The following PCDHA9 variants were observed in gnomAD, a reference collection of about 807,000 sequenced individuals.
PCDHA9 encodes the protein protocadherin alpha-9.
A neutral mutation model predicts 62.0 loss-of-function variants in PCDHA9; 62 were observed. The ratio of observed to expected loss-of-function variants is 1.00; its 90% CI spans 0.81 to 1.23. PCDHA9 has a LOEUF of 1.23. PCDHA9 is among the 50% of genes most tolerant of loss of function. The probability of loss-of-function intolerance (pLI) is 0.00; values close to 1 mark genes in which losing one functional copy is unlikely to be tolerated. For missense variants in PCDHA9, 1,205 were observed against 1,249.8 expected, an observed-to-expected ratio of 0.96 and a Z score of 0.54; for synonymous variants, 557 against 567.6, an observed-to-expected ratio of 0.98 and a Z score of 0.27.
intron 1 of PCDHA9, among the ~76,000 whole-genome samples, chr5:140,914,715 T>A (rs1554196547): frequency 6.6e-6 from 1 of 152,162 alleles, no homozygotes; most frequent in Non-Finnish European, 1.5e-5. Flanking sequence ...TTCTTGTTTT[T>A]TATTTTTTGT....
At chr5:140,943,050 A>G (rs1450755005) in intron 1 of PCDHA9, among the ~76,000 whole-genome samples, 1 of 152,044 alleles carries the variant, frequency 6.6e-6, no homozygotes, top group African/African-American at 2.4e-5. Flanking sequence ...TGAGGTCAGG[A>G]GTTCAAGAAC....
intron 1 of PCDHA9, among the ~76,000 whole-genome samples, chr5:140,889,062 T>C (rs1463008573): frequency 1.3e-5 from 2 of 152,052 alleles, no homozygotes; most frequent in African/African-American, 2.4e-5. Context: ...CCTTTTAATA[T>C]ACTACTTATT....
chr5:140,917,327 G>C (rs1219338384), intron 1 of PCDHA9, among the ~76,000 whole-genome samples: 1 of 149,420 alleles, frequency 6.7e-6, no homozygotes, highest in African/African-American at 2.5e-5. Flanking sequence ...CATGTGGCGG[G>C]GGAGGGGGGG....
chr5:140,927,822 T>A (rs1554205109), intron 1 of PCDHA9: 1 of 1,614,152 alleles, frequency 6.2e-7, no homozygotes, highest in Admixed American at 1.7e-5. Context: ...AGGCATACAT[T>A]GAGGCGAGGG....
At position 140,951,559 on chromosome 5, in the gene PCDHA9, G is replaced by A. The variant is rs545470803; in HGVS notation, c.2395-27390G>A. On this transcript the variant is annotated intron_variant, in intron 1 of 3. Transcript: ENST00000532602. ...AGCAAGGGACGGGGGGAAGTGCTAC[G>A]CACTTTTAAACAACCAGATTTCACG... 1.6e-4 allele frequency among the ~76,000 whole-genome samples: 25 copies of A among 152,040 alleles called. No individual in the cohort carries two copies. The South Asian group carries it at 5.2e-3, about 32-fold the overall frequency.
In PCDHA9 at chr5:140,967,952, C is replaced by T. The variant is rs562783714; in HGVS notation, c.2395-10997C>T. ...CAGTGTCAATGACCAAGACTCAGGC[C>T]CCAACCGGAAAGTGAGCCTGGGTCT... is the stretch of plus-strand genomic sequence containing the variant. On this transcript the variant is annotated intron_variant, in intron 1 of 3. Coordinates refer to ENST00000532602, the MANE Select transcript of PCDHA9 (RefSeq NM_031857.2). The T allele has an allele frequency of 3.1e-6, 5 of 1,614,176 alleles. No individual in the cohort carries two copies. In the African/African-American group the frequency reaches 6.7e-5, roughly 22 times the overall value.
intron 1 of PCDHA9, among the ~76,000 whole-genome samples, chr5:140,935,702 T>C (rs975188692): frequency 1.3e-5 from 2 of 152,152 alleles, no homozygotes; most frequent in Admixed American, 1.3e-4. Context: ...AATAAACTTA[T>C]AAAACAAAAT....
At chr5:140,889,637 G>A (rs184352635) in intron 1 of PCDHA9, among the ~76,000 whole-genome samples, 5 of 151,668 alleles carry the variant, frequency 3.3e-5, no homozygotes, top group Admixed American at 3.3e-4. Context: ...CTTTTCATTT[G>A]TGTTTGCAGG....
chr5:140,853,535 C>G (rs916895928), intron 1 of PCDHA9: 2 of 979,230 alleles, frequency 2.0e-6, no homozygotes, highest in South Asian at 9.5e-5. Context: ...TGTCTCTTTT[C>G]AAGTTGTAAT....
At chr5:140,995,819 C>T (rs1045622508) in intron 3 of PCDHA9, among the ~76,000 whole-genome samples, 1 of 152,088 alleles carries the variant, frequency 6.6e-6, no homozygotes, top group African/African-American at 2.4e-5. Flanking sequence ...AGGGAGATAG[C>T]CTGGCATTGC....
intron 3 of PCDHA9, among the ~76,000 whole-genome samples, chr5:140,986,174 A>G (rs896771813): frequency 1.3e-5 from 2 of 152,238 alleles, no homozygotes; most frequent in Admixed American, 6.5e-5. Flanking sequence ...CAGGATAAAC[A>G]AGTCAGGCAT....
Position 140,849,480 on chromosome 5 carries a change from C to G in PCDHA9, c.985C>G (p.Pro329Ala), listed in dbSNP as rs1554142971. The G allele has an allele frequency of 6.3e-7, 1 of 1,590,328 alleles. No individual in the cohort carries two copies. Among genetic ancestry groups the G allele is most frequent in the African/African-American group, 1.4e-5 (1 of 73,040 alleles). ...PVEAVDKGFP[P>A]LAGHCTLLVE... ...CGAGGCTGTCGATAAAGGCTTCCCA[C>G]CCCTGGCTGGTCATTGTACACTTCT... The change falls in exon 1 of 4, where the codon CCC (proline) becomes GCC (alanine). Residue 329 changes from proline (P) to alanine (A), a missense_variant. By Grantham distance (27) the Pro-to-Ala change is conservative. Coordinates refer to ENST00000532602, the MANE Select transcript of PCDHA9 (RefSeq NM_031857.2).
At chr5:140,951,234 C>A (rs1003242029) in intron 1 of PCDHA9, among the ~76,000 whole-genome samples, 2 of 152,028 alleles carry the variant, frequency 1.3e-5, no homozygotes. Flanking sequence ...ATGGTCTTTA[C>A]CTTTAGGAAT....
chr5:140,973,073 C>T (rs1372527958), intron 1 of PCDHA9, among the ~76,000 whole-genome samples: 1 of 151,988 alleles, frequency 6.6e-6, no homozygotes, highest in Non-Finnish European at 1.5e-5. Context: ...TCTCAGTGGG[C>T]CCAGCTGGCA....
chr5:140,887,291 T>G (rs2153419358), intron 1 of PCDHA9, among the ~76,000 whole-genome samples: 1 of 152,074 alleles, frequency 6.6e-6, no homozygotes, highest in South Asian at 2.1e-4. Flanking sequence ...AGAGATGGGG[T>G]TTCATCTTGT....
chr5:140,874,607 T>C (rs534439802), intron 1 of PCDHA9, among the ~76,000 whole-genome samples: 1 of 152,226 alleles, frequency 6.6e-6, no homozygotes, highest in Non-Finnish European at 1.5e-5. Context: ...TTTGGAGGCT[T>C]CAACTAAACA....
Position 140,883,713 on chromosome 5 carries a change from C to G in PCDHA9, c.2394+32824C>G, listed in dbSNP as rs782438050. ...ATCTTCACGGTGTCTGCTCAGGACG[C>G]GGACGCACAGGAGAACGCGCTGGTC... On this transcript the variant is annotated intron_variant, in intron 1 of 3. Coordinates refer to ENST00000532602, the MANE Select transcript of PCDHA9 (RefSeq NM_031857.2). 2.5e-6 allele frequency: 4 copies of G among 1,613,520 alleles called. No homozygotes were observed. The East Asian group carries it at 8.9e-5, about 36-fold the overall frequency.
chr5:140,906,930 G>A (rs1006674722), intron 1 of PCDHA9, among the ~76,000 whole-genome samples: 3 of 152,246 alleles, frequency 2.0e-5, no homozygotes, highest in Non-Finnish European at 4.4e-5. Flanking sequence ...AAAGTGTCCC[G>A]GTGTCAATCT....
intron 1 of PCDHA9, among the ~76,000 whole-genome samples, chr5:140,977,826 T>C (rs1554238818): frequency 1.3e-5 from 2 of 152,208 alleles, no homozygotes; most frequent in Admixed American, 6.5e-5. Flanking sequence ...TTTTGAATGG[T>C]CTATTGATAT....
Sources: allele counts gnomAD v4.1 joint callset (sites outside exome capture counted in the v4.1 genomes callset), GRCh38; gene constraint gnomAD v4.1.1; transcripts MANE v1.5; gene names NCBI Gene and HGNC (gene_info 2026-07-23, HGNC 2026-07-21).